ADCY8: variants seen among roughly 807,000 people sequenced by gnomAD.
ADCY8 encodes the protein adenylate cyclase 8.
Under a neutral mutation model 119.7 loss-of-function variants are expected in ADCY8, and 51 were observed. That is an observed-to-expected ratio of 0.43 (90% confidence interval 0.34 to 0.54). The LOEUF (loss-of-function observed/expected upper bound fraction) is 0.54. ADCY8 is among the 20% of genes least tolerant of loss of function. The probability of loss-of-function intolerance (pLI) is 0.03; values close to 1 mark genes in which losing one functional copy is unlikely to be tolerated. For missense variants in ADCY8, 1,383 were observed against 1,598.8 expected (o/e 0.87, Z 2.30); for synonymous variants, 665 against 651.0 (o/e 1.02, Z -0.33).
chr8:130,801,887 CT>C (rs1273277370), intron 14 of ADCY8, among the ~76,000 whole-genome samples: 3 of 140,456 alleles, frequency 2.1e-5, no homozygotes, highest in Admixed American at 7.2e-5. Context: ...TGCCTGGCCC[CT>C]TTGAGAATGC....
In ADCY8 at chr8:130,849,683, C is replaced by A. The variant is rs1817452244; in HGVS notation, c.2331G>T (p.Trp777Cys). 6.2e-7 allele frequency: 1 copy of A among 1,614,032 alleles called. No individual in the cohort carries two copies. Among genetic ancestry groups the A allele is most frequent in the Non-Finnish European group, 8.5e-7 (1 of 1,179,926 alleles). Residue 777 changes from tryptophan (W) to cysteine (C), a missense_variant, in exon 10 of 18, where the codon TGG (tryptophan) becomes TGT (cysteine). Trp to Cys is a radical substitution (Grantham distance 215). This residue lies in a region of ADCY8 where 928 missense variants were observed against 1,163.5 expected (regional missense o/e 0.80). Coordinates refer to ENST00000286355, the MANE Select transcript of ADCY8 (RefSeq NM_001115.3). The stretch of plus-strand genomic sequence containing the variant: ...TCCGGGCCAAATAGGTCTCATTAAT[C>A]CAACAGCAAGTTTTCCGGAGGATGA... ...LPLILRKTCC[W>C]INETYLARNV...
chr8:130,985,475 T>C (rs1482504687), intron 2 of ADCY8, among the ~76,000 whole-genome samples: 1 of 152,162 alleles, frequency 6.6e-6, no homozygotes, highest in South Asian at 2.1e-4. Context: ...AGGCTGAACA[T>C]GATGGGTGGT....
intron 1 of ADCY8, among the ~76,000 whole-genome samples, chr8:131,016,187 T>C (rs1449972092): frequency 1.4e-5 from 2 of 147,794 alleles, no homozygotes; most frequent in Admixed American, 1.4e-4. Flanking sequence ...GAGAGTAACA[T>C]GGGGTTGGGG....
At chr8:130,982,194 A>G (rs930303275) in intron 2 of ADCY8, among the ~76,000 whole-genome samples, 6 of 152,220 alleles carry the variant, frequency 3.9e-5, no homozygotes, top group African/African-American at 9.6e-5. Context: ...CAATTGTTAC[A>G]GGGAGATCAG....
intron 12 of ADCY8, 134 bp downstream of exon 12, chr8:130,836,143 T>A: frequency 1.0e-6 from 1 of 983,394 alleles, no homozygotes; most frequent in Non-Finnish European, 1.5e-6. Flanking sequence ...AACTACAGAA[T>A]GCCTGATTTG....
intron 8 of ADCY8, 143 bp from the exon 9 acceptor site, chr8:130,868,089 A>C: frequency 1.8e-6 from 1 of 563,506 alleles, no homozygotes; most frequent in African/African-American, 1.9e-5. Flanking sequence ...TTCACAGAGC[A>C]TTATCCCCAT....
intron 4 of ADCY8, among the ~76,000 whole-genome samples, chr8:130,941,229 C>G (rs1225004420): frequency 6.6e-6 from 1 of 152,214 alleles, no homozygotes; most frequent in East Asian, 1.9e-4. Context: ...GTCAGACACA[C>G]AGCACCCTGG....
chr8:130,856,701 T>G (rs1817747966), intron 9 of ADCY8, among the ~76,000 whole-genome samples: 1 of 152,210 alleles, frequency 6.6e-6, no homozygotes, highest in Non-Finnish European at 1.5e-5. Flanking sequence ...GTGTCTACCT[T>G]CGTAGGATAT....
intron 2 of ADCY8, among the ~76,000 whole-genome samples, chr8:130,974,978 A>T (rs6415528): frequency 0.65 from 99,503 of 151,936 alleles, 33,176 homozygotes; most frequent in East Asian, 0.87. Flanking sequence ...AGCTAACAGC[A>T]GTGGCAATGG....
At chr8:130,914,877 A>G (rs1016806416) in intron 5 of ADCY8, among the ~76,000 whole-genome samples, 7 of 152,240 alleles carry the variant, frequency 4.6e-5, no homozygotes, top group Non-Finnish European at 1.5e-5. Flanking sequence ...CTCAAAGCTC[A>G]GCACACAGAC....
At chr8:130,835,113 T>C (rs1298567682) in intron 12 of ADCY8, among the ~76,000 whole-genome samples, 3 of 152,218 alleles carry the variant, frequency 2.0e-5, no homozygotes, top group Non-Finnish European at 4.4e-5. Flanking sequence ...TTCTTTTCCT[T>C]TGACTGTTGG....
At chr8:130,812,042 T>G (rs1392009472) in intron 14 of ADCY8, among the ~76,000 whole-genome samples, 1 of 152,200 alleles carries the variant, frequency 6.6e-6, no homozygotes, top group Non-Finnish European at 1.5e-5. Flanking sequence ...CAAGAACTAT[T>G]GATTCTATAT....
intron 2 of ADCY8, among the ~76,000 whole-genome samples, chr8:130,980,109 C>T (rs888224053): frequency 1.3e-5 from 2 of 152,082 alleles, no homozygotes; most frequent in Non-Finnish European, 2.9e-5. Flanking sequence ...GCAGATGCCT[C>T]GCTCCAACCT....
At chr8:130,977,850 G>T (rs1822119738) in intron 2 of ADCY8, among the ~76,000 whole-genome samples, 1 of 152,206 alleles carries the variant, frequency 6.6e-6, no homozygotes, top group Non-Finnish European at 1.5e-5. Context: ...ATCTGATTTA[G>T]AGTTCATCCT....
chr8:131,040,395 TAAAGACTC>T lies in ADCY8; in HGVS notation c.-70_-63del. 7.0e-7 allele frequency: 1 copy of T among 1,425,830 alleles called. No homozygotes were observed. The highest frequency in any genetic ancestry group is 9.1e-7 in the Non-Finnish European group (1 of 1,096,590). 88.3% of individuals were successfully genotyped at this position (1,425,830 alleles called of 1,614,324 possible). A position where few individuals can be genotyped will look rare whatever the true frequency, so the allele number is the denominator to read the frequency against. On this transcript the variant is annotated 5_prime_UTR_variant, in exon 1 of 18. Coordinates refer to ENST00000286355, the MANE Select transcript of ADCY8 (RefSeq NM_001115.3). ...GGGAGGCAGCCGGAGGAGGGGTTCC[TAAAGACTC>T]AAAGGCGGCCTGGTAGGAGCTTGGC... is the stretch of plus-strand genomic sequence containing the variant.
chr8:130,898,623 A>C lies in ADCY8; in HGVS notation c.1911+5149T>G, dbSNP rs1299188168. ...GATTCTCAGGCTGTAATAAATGTGA[A>C]AGGGATGGATGGGATGAAGATGATT... On this transcript the variant is annotated intron_variant, in intron 7 of 17. Transcript: ENST00000286355. Among the ~76,000 whole-genome samples the C allele has an allele frequency of 2.0e-5, 3 of 152,226 alleles. No individual in the cohort carries two copies. The East Asian group carries it at 5.8e-4, about 29-fold the overall frequency.
intron 6 of ADCY8, 59 bp from the exon 7 acceptor site, chr8:130,904,101 T>G: frequency 1.3e-6 from 2 of 1,526,456 alleles, no homozygotes; most frequent in Non-Finnish European, 1.8e-6. Flanking sequence ...AAGGCTATAT[T>G]TTTTTGACCT....
intron 9 of ADCY8, among the ~76,000 whole-genome samples, chr8:130,855,118 T>TC (rs1491169208): frequency 5.7e-4 from 33 of 58,264 alleles, no homozygotes; most frequent in East Asian, 1.1e-3. Context: ...TCTCTCTCTC[T>TC]TTTTTTTTTT....
At chr8:131,009,257 C>A (rs1400893190) in intron 1 of ADCY8, among the ~76,000 whole-genome samples, 13 of 152,288 alleles carry the variant, frequency 8.5e-5, no homozygotes, top group South Asian at 4.1e-4. Flanking sequence ...TGGGGTAGGC[C>A]AAGGGCCCCC....
Sources: allele counts gnomAD v4.1 joint callset (sites outside exome capture counted in the v4.1 genomes callset), GRCh38; gene constraint gnomAD v4.1.1; regional missense constraint gnomAD v4.1.1; transcripts MANE v1.5; gene names NCBI Gene and HGNC (gene_info 2026-07-23, HGNC 2026-07-21).